CNGB1: variants seen among roughly 807,000 people sequenced by gnomAD.
The protein encoded by CNGB1 is cyclic nucleotide gated channel subunit beta 1, also known as cyclic nucleotide-gated channel beta-1.
CNGB1 carries 126 observed loss-of-function variants against 151.7 expected under a neutral mutation model. That is an observed-to-expected ratio of 0.83 (90% confidence interval 0.72 to 0.96). The LOEUF (loss-of-function observed/expected upper bound fraction) is 0.96. CNGB1 is among the 40% of genes least tolerant of loss of function. The pLI is 0.00. For missense variants in CNGB1, 1,698 were observed against 1,627.0 expected, an observed-to-expected ratio of 1.04 and a Z score of -0.75; for synonymous variants, 623 against 635.1, an observed-to-expected ratio of 0.98 and a Z score of 0.29.
intron 12 of CNGB1, among the ~76,000 whole-genome samples, chr16:57,953,356 G>A (rs930379408): frequency 3.9e-5 from 6 of 152,192 alleles, no homozygotes; most frequent in South Asian, 2.1e-4. Flanking sequence ...TTAGCTGGGC[G>A]TGGTGGTGCA....
chr16:57,920,761 C>T (rs1961010994), intron 18 of CNGB1, among the ~76,000 whole-genome samples: 1 of 152,204 alleles, frequency 6.6e-6, no homozygotes, highest in South Asian at 2.1e-4. Context: ...TCTGGCCCAG[C>T]TTTTGGAAAA....
At chr16:57,947,457 G>T (rs1245120655) in intron 14 of CNGB1, among the ~76,000 whole-genome samples, 1 of 152,238 alleles carries the variant, frequency 6.6e-6, no homozygotes, top group Non-Finnish European at 1.5e-5. Context: ...TGCTGGGACT[G>T]CAGGGTGGCT....
chr16:57,953,286 A>G (rs542695736), intron 12 of CNGB1, among the ~76,000 whole-genome samples: 2 of 152,098 alleles, frequency 1.3e-5, no homozygotes, highest in African/African-American at 4.8e-5. Context: ...CATGAGGTCA[A>G]GAGATCGAGA....
chr16:57,916,331 T>G, intron 21 of CNGB1, 152 bp from the exon 22 acceptor site: 1 of 791,040 alleles, frequency 1.3e-6, no homozygotes, highest in South Asian at 1.4e-5. Flanking sequence ...TTGAGTTTTA[T>G]GGGTGGAGAG....
chr16:57,911,736 G>A lies in CNGB1; in HGVS notation c.2492+17C>T. The A allele has an allele frequency of 6.2e-7, 1 of 1,613,584 alleles. No homozygotes were observed. Among genetic ancestry groups the A allele is most frequent in the African/African-American group, 1.3e-5 (1 of 75,050 alleles). On this transcript the variant is annotated intron_variant, in intron 25 of 32. Coordinates refer to ENST00000251102, the MANE Select transcript of CNGB1 (RefSeq NM_001297.5). ...AGGTCACCCAGGCATGGCCCCAGGG[G>A]GAGGACTGTGGCTCACCTGTTTCCC...
intron 12 of CNGB1, chr16:57,954,898 G>A (rs1682135620): frequency 9.7e-7 from 1 of 1,034,380 alleles, no homozygotes; most frequent in Non-Finnish European, 1.2e-6. Context: ...CATCCATGGG[G>A]CTTTTTAATT....
rs3038249 is a variant in CNGB1 at position 57,896,713 on chromosome 16, AAAATAAATAAATAAATAAATAAAT to A, written c.3242+660_3242+683del. On this transcript the variant is annotated intron_variant, in intron 31 of 32. Coordinates refer to ENST00000251102, the MANE Select transcript of CNGB1 (RefSeq NM_001297.5). The stretch of plus-strand genomic sequence containing the variant: ...GGGCGACAGAGCAAGACTCTGTCTC[AAAATAAATAAATAAATAAATAAAT>A]AAATAAATAAATAAATAAATAAATA... Among the ~76,000 whole-genome samples, 1,359 of 137,032 alleles carry A rather than the reference AAAATAAATAAATAAATAAATAAAT, an allele frequency of 9.9e-3. 8 individuals are homozygous for A. Among genetic ancestry groups the A allele is most frequent in the Middle Eastern group, 0.022 (6 of 276 alleles). 89.9% of individuals were successfully genotyped at this position (137,032 alleles called of 152,430 possible).
chr16:57,929,494 T>C (rs576443164), intron 17 of CNGB1, among the ~76,000 whole-genome samples: 1 of 84,488 alleles, frequency 1.2e-5, no homozygotes, highest in African/African-American at 6.4e-5. Flanking sequence ...AGAGAGACTT[T>C]TTCTTTTTAA....
chr16:57,927,178 T>C (rs1596986399), intron 17 of CNGB1, among the ~76,000 whole-genome samples: 1 of 152,124 alleles, frequency 6.6e-6, no homozygotes, highest in Admixed American at 6.5e-5. Flanking sequence ...GTTTCTTTCC[T>C]CGTCTTACAC....
rs552604507 is a variant in CNGB1 at position 57,886,485 on chromosome 16, T to C, written c.3462+1370A>G. Among the ~76,000 whole-genome samples the C allele has an allele frequency of 6.6e-5, 10 of 152,334 alleles. No homozygotes were observed. In the East Asian group the frequency reaches 1.9e-3, roughly 29 times the overall value. On this transcript the variant is annotated intron_variant, in intron 32 of 32. Coordinates refer to ENST00000251102, the MANE Select transcript of CNGB1 (RefSeq NM_001297.5). Reference sequence around the variant, plus strand: ...CAGGCAATCACATCTTTCCTCAGTCTGGGGCCATTGGTGGCTGTATCTGGA... The same window carrying C: ...CAGGCAATCACATCTTTCCTCAGTCCGGGGCCATTGGTGGCTGTATCTGGA...
intron 30 of CNGB1, 108 bp downstream of exon 30, chr16:57,897,688 G>A: frequency 6.6e-7 from 1 of 1,511,968 alleles, no homozygotes; most frequent in South Asian, 1.1e-5. Flanking sequence ...TACATCAGCA[G>A]GTGCCAGTGC....
intron 12 of CNGB1, among the ~76,000 whole-genome samples, chr16:57,951,663 C>A (rs1961951609): frequency 6.6e-6 from 1 of 152,204 alleles, no homozygotes; most frequent in Non-Finnish European, 1.5e-5. Context: ...AGGCCCTGTG[C>A]TGAATGGCTT....
At chr16:57,940,455 C>T in intron 14 of CNGB1, 134 bp from the exon 15 acceptor site, 1 of 758,672 alleles carries the variant, frequency 1.3e-6, no homozygotes, top group African/African-American at 1.7e-5. Flanking sequence ...GTCTCAACCT[C>T]AGGAGCCTCC....
chr16:57,923,996 C>G (rs1421736827), intron 17 of CNGB1, among the ~76,000 whole-genome samples: 1 of 152,164 alleles, frequency 6.6e-6, no homozygotes, highest in East Asian at 1.9e-4. Context: ...AAGTCCAAGT[C>G]TGCCATGGAG....
At position 57,933,767 on chromosome 16, in the gene CNGB1, G is replaced by C. The variant is rs1961427041; in HGVS notation, c.1373-1889C>G. Among the ~76,000 whole-genome samples, 3 of 148,202 alleles carry C rather than the reference G, an allele frequency of 2.0e-5. No individual in the cohort carries two copies. The South Asian group carries it at 6.4e-4, about 31-fold the overall frequency. On this transcript the variant is annotated intron_variant, in intron 16 of 32. Coordinates refer to ENST00000251102, the MANE Select transcript of CNGB1 (RefSeq NM_001297.5). ...AGATGGAGTCTCGCTCTGTCGCCTA[G>C]GCTGGAGTATAGTGGTGTGATCTCG... is the stretch of plus-strand genomic sequence containing the variant.
intron 9 of CNGB1, 118 bp from the exon 10 acceptor site, chr16:57,960,183 G>T: frequency 6.7e-7 from 1 of 1,490,112 alleles, no homozygotes; most frequent in South Asian, 1.3e-5. Flanking sequence ...AGCCCTTTGG[G>T]ACCACCTCAC....
intron 16 of CNGB1, among the ~76,000 whole-genome samples, chr16:57,933,727 T>C (rs1219688897): frequency 1.4e-5 from 2 of 146,266 alleles, no homozygotes; most frequent in Admixed American, 6.8e-5. Context: ...TTCTTTTCTT[T>C]TTTTTTTTTT....
At chr16:57,887,706 G>A in intron 32 of CNGB1, 149 bp downstream of exon 32, 1 of 792,430 alleles carries the variant, frequency 1.3e-6, no homozygotes, top group South Asian at 1.5e-5. Context: ...CTTGCACTCT[G>A]TCACTGGTAA....
chr16:57,895,777 C>G (rs1287539728), intron 31 of CNGB1, among the ~76,000 whole-genome samples: 5 of 152,048 alleles, frequency 3.3e-5, no homozygotes, highest in African/African-American at 1.2e-4. Context: ...ACCAGGGCAT[C>G]TGGTTGTGGC....
Sources: gnomAD v4.1 joint callset for allele counts (sites outside exome capture counted in the v4.1 genomes callset) on GRCh38, gnomAD v4.1.1 for gene constraint, MANE v1.5 for transcripts, NCBI Gene and HGNC (gene_info 2026-07-23, HGNC 2026-07-21) for gene names.